GFOD1: variants seen among roughly 807,000 people sequenced by gnomAD.
GFOD1 encodes glucose-fructose oxidoreductase domain-containing protein 1.
In GFOD1, 9 loss-of-function variants were observed where a neutral mutation model predicts 25.4. That is an observed-to-expected ratio of 0.35 (90% CI 0.21 to 0.62). GFOD1 has a LOEUF of 0.62. Among genes scored for constraint, GFOD1 ranks in the 20% least tolerant of loss-of-function variants. The pLI is 0.72. For missense variants in GFOD1, 403 were observed against 556.9 expected (o/e 0.72, Z 2.78); for synonymous variants, 253 against 245.6 (o/e 1.03, Z -0.28).
chr6:13,382,351 G>A (rs755625548), intron 1 of GFOD1, among the ~76,000 whole-genome samples: 4 of 151,706 alleles, frequency 2.6e-5, no homozygotes, highest in Non-Finnish European at 4.4e-5. Context: ...GAATCATGGG[G>A]GGGGGGGTTC....
chr6:13,374,111 T>C (rs1407110413), intron 1 of GFOD1, among the ~76,000 whole-genome samples: 1 of 152,190 alleles, frequency 6.6e-6, no homozygotes, highest in African/African-American at 2.4e-5. Context: ...AACCAGGTAC[T>C]TGTCCTGTTC....
At chr6:13,414,379 T>C (rs138169433) in intron 1 of GFOD1, among the ~76,000 whole-genome samples, 1 of 152,362 alleles carries the variant, frequency 6.6e-6, no homozygotes, top group African/African-American at 2.4e-5. Flanking sequence ...GCCAGCGCCC[T>C]GCAAATCCAA....
At chr6:13,412,939 T>C (rs901515350) in intron 1 of GFOD1, among the ~76,000 whole-genome samples, 2 of 152,356 alleles carry the variant, frequency 1.3e-5, no homozygotes, top group African/African-American at 4.8e-5. Flanking sequence ...ATAAGCATGA[T>C]CCTGTTTGCC....
At chr6:13,391,511 CAAAA>C (rs57340590) in intron 1 of GFOD1, among the ~76,000 whole-genome samples, 2 of 108,666 alleles carry the variant, frequency 1.8e-5, no homozygotes, top group East Asian at 2.7e-4. Flanking sequence ...AACAAACAAA[CAAAA>C]AAAAAAAAAA....
intron 1 of GFOD1, among the ~76,000 whole-genome samples, chr6:13,400,798 G>A (rs1245332003): frequency 6.6e-6 from 1 of 152,198 alleles, no homozygotes; most frequent in Non-Finnish European, 1.5e-5. Flanking sequence ...TAAAGATGGT[G>A]AGGGAACACA....
intron 1 of GFOD1, among the ~76,000 whole-genome samples, chr6:13,447,952 A>T (rs1206191640): frequency 2.0e-5 from 3 of 151,900 alleles, no homozygotes; most frequent in Non-Finnish European, 4.4e-5. Flanking sequence ...AGCATTGGGC[A>T]TTACTGGCCA....
chr6:13,420,492 A>G (rs1786237625), intron 1 of GFOD1, among the ~76,000 whole-genome samples: 1 of 152,228 alleles, frequency 6.6e-6, no homozygotes, highest in Non-Finnish European at 1.5e-5. Context: ...TAGGAGCGGA[A>G]GAGAAAAGCA....
intron 1 of GFOD1, chr6:13,408,254 G>T (rs1299103294): frequency 4.5e-6 from 1 of 220,742 alleles, no homozygotes; most frequent in Non-Finnish European, 7.7e-6. Context: ...CTTAGAGCAG[G>T]ACCTAGTTCC....
rs554108495 is a variant in GFOD1, at chr6:13,411,270, C to T, written c.254-45608G>A. 2.3e-4 allele frequency among the ~76,000 whole-genome samples: 35 copies of T among 152,254 alleles called. 1 individual carries two copies. The South Asian group carries it at 4.1e-3, about 18-fold the overall frequency. On this transcript the variant is annotated intron_variant, in intron 1 of 1. Coordinates refer to ENST00000379287, the MANE Select transcript of GFOD1 (RefSeq NM_018988.4). Reference sequence around the variant, plus strand: ...GCCTCCTTCATTACCAAGTGAGGATCCACAAAGACATCGGCTGTCTATTTT... The same window carrying T: ...GCCTCCTTCATTACCAAGTGAGGATTCACAAAGACATCGGCTGTCTATTTT...
chr6:13,370,178 G>A (rs367915100), intron 1 of GFOD1, among the ~76,000 whole-genome samples: 2 of 152,200 alleles, frequency 1.3e-5, no homozygotes, highest in Non-Finnish European at 2.9e-5. Flanking sequence ...TGCTGACCCT[G>A]AATCTTGAAA....
rs150491317 is a variant in GFOD1 at position 13,398,289 on chromosome 6, C to T, written c.254-32627G>A. 2.2e-3 allele frequency among the ~76,000 whole-genome samples: 240 copies of T among 107,248 alleles called. 1 individual carries two copies. Among genetic ancestry groups the T allele is most frequent in the African/African-American group, 5.7e-3 (225 of 39,790 alleles). 70.4% of individuals were successfully genotyped at this position (107,248 alleles called of 152,430 possible). ...TACTGTTAACAGCATTCACAGACAC[C>T]TAACTTGGATCTGTTACGAGGCTCA... On this transcript the variant is annotated intron_variant, in intron 1 of 1. Coordinates refer to ENST00000379287, the MANE Select transcript of GFOD1 (RefSeq NM_018988.4).
At chr6:13,465,247 T>C (rs912418899) in intron 1 of GFOD1, among the ~76,000 whole-genome samples, 4 of 152,104 alleles carry the variant, frequency 2.6e-5, no homozygotes, top group Admixed American at 6.5e-5. Context: ...AAAATTTTCA[T>C]AATGTTTTAA....
chr6:13,369,901 T>C (rs1321067130), intron 1 of GFOD1, among the ~76,000 whole-genome samples: 1 of 151,978 alleles, frequency 6.6e-6, no homozygotes, highest in Non-Finnish European at 1.5e-5. Context: ...CCCTAGGAGG[T>C]TTACTCTGAT....
intron 1 of GFOD1, among the ~76,000 whole-genome samples, chr6:13,374,728 C>CTTTTTTTTTTT (rs147560408): frequency 1.5e-5 from 1 of 66,780 alleles, no homozygotes; most frequent in Non-Finnish European, 3.0e-5. Context: ...CATCTCAAAT[C>CTTTTTTTTTTT]TTTTTTTTTT....
intron 1 of GFOD1, among the ~76,000 whole-genome samples, chr6:13,465,188 G>C (rs2127576194): frequency 6.7e-6 from 1 of 150,074 alleles, no homozygotes; most frequent in African/African-American, 2.4e-5. Flanking sequence ...AATTGTCTTG[G>C]GCCACATACA....
chr6:13,375,766 C>T (rs1785243496), intron 1 of GFOD1, among the ~76,000 whole-genome samples: 1 of 152,184 alleles, frequency 6.6e-6, no homozygotes, highest in Non-Finnish European at 1.5e-5. Flanking sequence ...CCTCTTATTG[C>T]CCAGGAACCC....
intron 1 of GFOD1, among the ~76,000 whole-genome samples, chr6:13,431,180 G>T (rs1757742752): frequency 6.6e-6 from 1 of 152,218 alleles, no homozygotes; most frequent in Admixed American, 6.5e-5. Context: ...TGGTGGTGGG[G>T]ACTATGATGA....
intron 1 of GFOD1, among the ~76,000 whole-genome samples, chr6:13,392,791 C>T (rs1241506423): frequency 6.6e-6 from 1 of 151,982 alleles, no homozygotes; most frequent in Non-Finnish European, 1.5e-5. Flanking sequence ...TGCAATGACT[C>T]ACACCTATAA....
At chr6:13,386,223 T>C (rs546945229) in intron 1 of GFOD1, among the ~76,000 whole-genome samples, 1 of 152,232 alleles carries the variant, frequency 6.6e-6, no homozygotes, top group South Asian at 2.1e-4. Context: ...AGCCTCAGTG[T>C]TCAGAATCCT....
Sources: allele counts gnomAD v4.1 joint callset (sites outside exome capture counted in the v4.1 genomes callset), GRCh38; gene constraint gnomAD v4.1.1; transcripts MANE v1.5; gene names NCBI Gene and HGNC (gene_info 2026-07-23, HGNC 2026-07-21).